Variants in PAM observed in about 807,000 individuals in gnomAD.
The protein encoded by PAM is peptidyl-glycine alpha-amidating monooxygenase.
A neutral mutation model predicts 122.1 loss-of-function variants in PAM; 72 were observed. The ratio of observed to expected loss-of-function variants is 0.59; its 90% confidence interval spans 0.49 to 0.72. The LOEUF (loss-of-function observed/expected upper bound fraction) is 0.72, where lower values mean the gene tolerates loss of function less well. PAM is among the 30% of genes least tolerant of loss of function. The pLI, the probability that PAM is intolerant of heterozygous loss-of-function variation, is 0.00. For synonymous variants in PAM, 389 were observed against 404.4 expected (o/e 0.96, Z 0.46); for missense variants, 1,106 against 1,183.7 (o/e 0.93, Z 0.96).
rs569388081 is a variant in PAM, at chr5:102,811,522, C to T, written c.-373-54301C>T. Among the ~76,000 whole-genome samples the T allele has an allele frequency of 7.9e-5, 12 of 152,268 alleles. No homozygotes were observed. In the South Asian group the frequency reaches 1.9e-3, roughly 24 times the overall value. On this transcript the variant is annotated intron_variant, in intron 1 of 25. Transcript: ENST00000438793. Reference sequence around the variant, plus strand: ...GGGCCCACCTGGATAATCTAGGAGACTCTCCCCGTTTTAAGACCCTTAAAC... The same window carrying T: ...GGGCCCACCTGGATAATCTAGGAGATTCTCCCCGTTTTAAGACCCTTAAAC...
chr5:102,847,712 G>A (rs2150676956), intron 1 of PAM, among the ~76,000 whole-genome samples: 1 of 152,232 alleles, frequency 6.6e-6, no homozygotes, highest in South Asian at 2.1e-4. Flanking sequence ...CTATTCCGGT[G>A]AGAGTACTTC....
intron 14 of PAM, among the ~76,000 whole-genome samples, chr5:102,968,720 G>T (rs1764862099): frequency 6.6e-6 from 1 of 152,056 alleles, no homozygotes; most frequent in African/African-American, 2.4e-5. Flanking sequence ...TCCCAGAATA[G>T]AAATAGAAAA....
chr5:102,835,920 T>C (rs762651803), intron 1 of PAM, among the ~76,000 whole-genome samples: 2 of 152,160 alleles, frequency 1.3e-5, no homozygotes, highest in Non-Finnish European at 2.9e-5. Context: ...TTCAGAAATA[T>C]ATCATGTAAC....
intron 1 of PAM, among the ~76,000 whole-genome samples, chr5:102,797,997 G>T (rs1019708835): frequency 1.3e-5 from 2 of 152,014 alleles, no homozygotes; most frequent in Non-Finnish European, 1.5e-5. Context: ...TTCAAATTTT[G>T]TGTGAAAATA....
intron 1 of PAM, among the ~76,000 whole-genome samples, chr5:102,833,634 T>A (rs902665986): frequency 6.6e-6 from 1 of 152,170 alleles, no homozygotes; most frequent in African/African-American, 2.4e-5. Flanking sequence ...GTAAAAATAA[T>A]CTTTTTAGCA....
intron 7 of PAM, among the ~76,000 whole-genome samples, chr5:102,937,340 G>A (rs2151860891): frequency 6.6e-6 from 1 of 152,144 alleles, no homozygotes; most frequent in Non-Finnish European, 1.5e-5. Flanking sequence ...ACAGACACTA[G>A]AAATGGAAAG....
chr5:102,928,763 GT>G (rs1478288047), intron 7 of PAM, among the ~76,000 whole-genome samples: 1 of 152,032 alleles, frequency 6.6e-6, no homozygotes, highest in Non-Finnish European at 1.5e-5. Flanking sequence ...TATAAATTTA[GT>G]ATGATGTTTT....
At chr5:102,848,496 A>G (rs1184791582) in intron 1 of PAM, among the ~76,000 whole-genome samples, 1 of 152,228 alleles carries the variant, frequency 6.6e-6, no homozygotes, top group Admixed American at 6.5e-5. Context: ...TCCCACAAAG[A>G]AAAGACCAAC....
At chr5:102,879,212 G>A (rs1363359669) in intron 3 of PAM, among the ~76,000 whole-genome samples, 3 of 152,128 alleles carry the variant, frequency 2.0e-5, no homozygotes, top group Admixed American at 6.5e-5. Flanking sequence ...GATTACAGGC[G>A]TGAGCCACCA....
At chr5:102,822,666 C>T (rs1772355082) in intron 1 of PAM, among the ~76,000 whole-genome samples, 1 of 152,084 alleles carries the variant, frequency 6.6e-6, no homozygotes, top group Non-Finnish European at 1.5e-5. Flanking sequence ...CCAGAACTGC[C>T]CTAAGTGTGA....
chr5:103,011,056 G>A (rs555156674), intron 21 of PAM, among the ~76,000 whole-genome samples: 1 of 151,762 alleles, frequency 6.6e-6, no homozygotes, highest in Non-Finnish European at 1.5e-5. Context: ...CTATTTTCTT[G>A]TTATAACTTA....
At chr5:102,978,888 A>T (rs1768678399) in intron 15 of PAM, among the ~76,000 whole-genome samples, 2 of 151,998 alleles carry the variant, frequency 1.3e-5, no homozygotes, top group African/African-American at 4.8e-5. Context: ...TTAGTGTTTT[A>T]GATGCATTGA....
chr5:102,935,579 A>G (rs1752982247), intron 7 of PAM, among the ~76,000 whole-genome samples: 1 of 152,128 alleles, frequency 6.6e-6, no homozygotes, highest in African/African-American at 2.4e-5. Context: ...TGGAGTGTCT[A>G]AATCCTAACA....
chr5:102,996,493 T>C lies in PAM; in HGVS notation c.1613+6092T>C, dbSNP rs1582705152. On this transcript the variant is annotated intron_variant, in intron 16 of 25. Coordinates refer to ENST00000438793, the MANE Select transcript of PAM (RefSeq NM_001177306.2). The stretch of plus-strand genomic sequence containing the variant: ...GTTACCTTTCTTTGAATTACAAGAG[T>C]TTATAAACTACTTACTTAGCAAGTT... Among the ~76,000 whole-genome samples the C allele has an allele frequency of 2.6e-5, 4 of 152,260 alleles. No homozygotes were observed. In the South Asian group the frequency reaches 6.2e-4, roughly 24 times the overall value.
At chr5:102,777,967 T>G (rs1449243751) in intron 1 of PAM, among the ~76,000 whole-genome samples, 1 of 152,184 alleles carries the variant, frequency 6.6e-6, no homozygotes, top group Non-Finnish European at 1.5e-5. Flanking sequence ...CGGTTTGCCC[T>G]TGAGAGACCT....
chr5:102,798,126 C>A (rs1185476454), intron 1 of PAM, among the ~76,000 whole-genome samples: 3 of 152,056 alleles, frequency 2.0e-5, no homozygotes, highest in Non-Finnish European at 4.4e-5. Flanking sequence ...TTTTATAGAA[C>A]CATAGTCTTT....
chr5:102,863,374 C>G (rs1424174053), intron 1 of PAM, among the ~76,000 whole-genome samples: 1 of 152,170 alleles, frequency 6.6e-6, no homozygotes, highest in Non-Finnish European at 1.5e-5. Context: ...CCAAGGCTTG[C>G]TCAGTAGCCA....
At chr5:102,915,308 A>G (rs1465012487) in intron 5 of PAM, among the ~76,000 whole-genome samples, 1 of 152,122 alleles carries the variant, frequency 6.6e-6, no homozygotes, top group Admixed American at 6.6e-5. Context: ...TTTGTAATAA[A>G]CAATATAATG....
chr5:102,986,659 T>C (rs1771926917), intron 15 of PAM, among the ~76,000 whole-genome samples: 1 of 152,128 alleles, frequency 6.6e-6, no homozygotes, highest in South Asian at 2.1e-4. Flanking sequence ...CTACCTGATA[T>C]GGTTTGGCTG....
Sources: gnomAD v4.1 joint callset for allele counts (sites outside exome capture counted in the v4.1 genomes callset) on GRCh38, gnomAD v4.1.1 for gene constraint, MANE v1.5 for transcripts, NCBI Gene and HGNC (gene_info 2026-07-23, HGNC 2026-07-21) for gene names.